Variants in CHMP3 observed in about 807,000 individuals in gnomAD.
CHMP3 encodes the protein 25.1 protein.
In CHMP3, 8 loss-of-function variants were observed where a neutral mutation model predicts 27.4. The observed-to-expected ratio is 0.29, with a 90% CI of 0.17 to 0.53. The LOEUF (loss-of-function observed/expected upper bound fraction) is 0.53, where lower values mean the gene tolerates loss of function less well. Among genes scored for constraint, CHMP3 ranks in the 20% least tolerant of loss-of-function variants. CHMP3 has a pLI of 0.96. For missense variants in CHMP3, 208 were observed against 271.5 expected (o/e 0.77, Z 1.64); for synonymous variants, 86 against 85.5 (o/e 1.01, Z -0.03).
At chr2:86,552,769 A>C (rs1437038626) in intron 1 of CHMP3, among the ~76,000 whole-genome samples, 1 of 152,204 alleles carries the variant, frequency 6.6e-6, no homozygotes, top group Non-Finnish European at 1.5e-5. Flanking sequence ...ATCTTATCAA[A>C]CTTAGATCCA....
chr2:86,556,287 C>A (rs1677118595), intron 1 of CHMP3, among the ~76,000 whole-genome samples: 1 of 152,148 alleles, frequency 6.6e-6, no homozygotes, highest in Non-Finnish European at 1.5e-5. Context: ...TCAAGACAAT[C>A]TAAAATATAC....
chr2:86,557,104 A>T (rs1317652242), intron 1 of CHMP3, among the ~76,000 whole-genome samples: 3 of 152,184 alleles, frequency 2.0e-5, no homozygotes, highest in African/African-American at 7.2e-5. Flanking sequence ...ATCTTCTCTC[A>T]TCTCTTAAAT....
intron 2 of CHMP3, among the ~76,000 whole-genome samples, chr2:86,533,542 C>T (rs1676006474): frequency 1.3e-5 from 2 of 151,960 alleles, no homozygotes; most frequent in Non-Finnish European, 2.9e-5. Context: ...TCACTCCCGT[C>T]ACCCAGGCTG....
Position 86,504,094 on chromosome 2 carries a change from G to T in CHMP3, c.*1710C>A, listed in dbSNP as rs1265485571. 2 of 152,172 alleles carry T rather than the reference G, an allele frequency of 1.3e-5. No homozygotes were observed. The highest frequency in any genetic ancestry group is 1.3e-4 in the Admixed American group (2 of 15,280). 9.4% of individuals were successfully genotyped at this position (152,172 alleles called of 1,614,324 possible). On this transcript the variant is annotated 3_prime_UTR_variant, in exon 6 of 6. Transcript: ENST00000263856. ...TTTTTTTTTAAAGTGGTTGCCAGGGGATTAGGGAAGAAAGGGATGAACAGG... is the reference window on the plus strand; with the variant it reads ...TTTTTTTTTAAAGTGGTTGCCAGGGTATTAGGGAAGAAAGGGATGAACAGG...
intron 3 of CHMP3, 123 bp from the exon 4 acceptor site, chr2:86,510,602 C>A: frequency 2.2e-6 from 3 of 1,341,646 alleles, no homozygotes; most frequent in Non-Finnish European, 3.0e-6. Context: ...TATTTGTGTG[C>A]CTTTAAATTA....
rs1473130756 is a variant in CHMP3, at chr2:86,504,646, C to T, written c.*1158G>A. 6.6e-6 allele frequency: 1 copy of T among 151,442 alleles called. No individual in the cohort carries two copies. Among genetic ancestry groups the T allele is most frequent in the Non-Finnish European group, 1.5e-5 (1 of 67,944 alleles). 9.4% of individuals were successfully genotyped at this position (151,442 alleles called of 1,614,324 possible). On this transcript the variant is annotated 3_prime_UTR_variant, in exon 6 of 6. Transcript: ENST00000263856. The stretch of plus-strand genomic sequence containing the variant: ...ATAGGCATGAACCACCGCACCCAGC[C>T]AAGATTGCCATTTTGTATGATGAGA...
intron 1 of CHMP3, among the ~76,000 whole-genome samples, chr2:86,548,607 C>T (rs911891063): frequency 4.6e-5 from 7 of 152,188 alleles, no homozygotes; most frequent in Non-Finnish European, 8.8e-5. Context: ...GACACAGTAA[C>T]CATCTGATCT....
At chr2:86,561,199 G>A (rs1451533254) in intron 1 of CHMP3, among the ~76,000 whole-genome samples, 1 of 152,166 alleles carries the variant, frequency 6.6e-6, no homozygotes, top group Non-Finnish European at 1.5e-5. Flanking sequence ...TCTAAGTATA[G>A]GCCTTAGAAT....
intron 2 of CHMP3, among the ~76,000 whole-genome samples, chr2:86,539,892 T>C (rs1676294880): frequency 6.6e-6 from 1 of 152,126 alleles, no homozygotes; most frequent in Non-Finnish European, 1.5e-5. Flanking sequence ...TTTATTGTAT[T>C]GGCAACAAAT....
chr2:86,543,880 TTAAAG>T (rs1238198338), intron 1 of CHMP3, among the ~76,000 whole-genome samples: 1 of 152,244 alleles, frequency 6.6e-6, no homozygotes, highest in African/African-American at 2.4e-5. Context: ...ATTAACCATT[TTAAAG>T]TATACAATTC....
At chr2:86,531,633 AGT>A (rs1441035507) in intron 2 of CHMP3, among the ~76,000 whole-genome samples, 6 of 152,110 alleles carry the variant, frequency 3.9e-5, no homozygotes, top group African/African-American at 1.4e-4. Context: ...ATTTGGGGTT[AGT>A]TTCTGTATAC....
At chr2:86,528,400 C>G (rs1188470585) in intron 3 of CHMP3, among the ~76,000 whole-genome samples, 9 of 152,106 alleles carry the variant, frequency 5.9e-5, no homozygotes, top group African/African-American at 2.2e-4. Context: ...CAGGTGTAAT[C>G]AGAGCTCACT....
At chr2:86,554,275 A>T (rs1030639224) in intron 1 of CHMP3, among the ~76,000 whole-genome samples, 2 of 152,228 alleles carry the variant, frequency 1.3e-5, no homozygotes, top group Admixed American at 6.5e-5. Context: ...TAGCAACTCA[A>T]ATGTACTAAC....
chr2:86,522,059 CA>C (rs1251014886), intron 3 of CHMP3, among the ~76,000 whole-genome samples: 2 of 152,176 alleles, frequency 1.3e-5, no homozygotes, highest in Non-Finnish European at 2.9e-5. Context: ...TCTTACACTG[CA>C]AGGAGCTGCT....
At chr2:86,557,371 T>C (rs1040943925) in intron 1 of CHMP3, among the ~76,000 whole-genome samples, 2 of 152,186 alleles carry the variant, frequency 1.3e-5, no homozygotes, top group African/African-American at 4.8e-5. Flanking sequence ...CCCATTGCCA[T>C]TCTAAGGCTC....
chr2:86,543,208 T>C (rs1309791808), intron 1 of CHMP3, among the ~76,000 whole-genome samples: 7 of 152,352 alleles, frequency 4.6e-5, no homozygotes, highest in Admixed American at 1.3e-4. Flanking sequence ...ACAGACTAAA[T>C]GGCATTTTTT....
intron 3 of CHMP3, among the ~76,000 whole-genome samples, chr2:86,525,399 CAT>C (rs936442029): frequency 2.6e-5 from 4 of 152,016 alleles, no homozygotes; most frequent in Admixed American, 1.3e-4. Flanking sequence ...GATAACTATG[CAT>C]ATATATACTG....
Position 86,563,438 on chromosome 2 carries a change from A to G in CHMP3, c.-90T>C, listed in dbSNP as rs1677481453. ...AGCCGCCTGGGCGGGGCCCGCGGAA[A>G]AGGAGGTAGTCCCAACCCCCAGAGT... On this transcript the variant is annotated 5_prime_UTR_variant, in exon 1 of 6. Transcript: ENST00000263856. 3.9e-6 allele frequency: 6 copies of G among 1,519,056 alleles called. No individual in the cohort carries two copies. Among genetic ancestry groups the G allele is most frequent in the Admixed American group, 1.7e-5 (1 of 57,812 alleles). The allele number at this position is 1,519,056 out of a possible 1,614,324, so 94.1% of individuals were successfully genotyped here.
intron 2 of CHMP3, among the ~76,000 whole-genome samples, chr2:86,535,271 AAAG>A (rs1315574612): frequency 4.3e-4 from 66 of 151,920 alleles, no homozygotes; most frequent in African/African-American, 1.5e-3. Flanking sequence ...AAAAAAAAAA[AAAG>A]GAATTATTGA....
Sources: gnomAD v4.1 joint callset for allele counts (sites outside exome capture counted in the v4.1 genomes callset) on GRCh38, gnomAD v4.1.1 for gene constraint, MANE v1.5 for transcripts, NCBI Gene and HGNC (gene_info 2026-07-23, HGNC 2026-07-21) for gene names.